Variants in SCAPER observed in about 807,000 individuals in gnomAD.
SCAPER encodes the protein S-phase cyclin A associated protein in the ER, also known as S phase cyclin A-associated protein in the endoplasmic reticulum.
In SCAPER, 98 loss-of-function variants were observed where a neutral mutation model predicts 182.2. The observed-to-expected ratio is 0.54, with a 90% CI of 0.46 to 0.64. The LOEUF (loss-of-function observed/expected upper bound fraction) is 0.64. SCAPER is among the 30% of genes least tolerant of loss of function. The probability of loss-of-function intolerance (pLI) is 0.00; values close to 1 mark genes in which losing one functional copy is unlikely to be tolerated. For missense variants in SCAPER, 1,432 were observed against 1,690.0 expected (o/e 0.85, Z 2.68); for synonymous variants, 605 against 564.6 (o/e 1.07, Z -1.01).
chr15:76,354,253 A>C lies in SCAPER; in HGVS notation c.3856-113T>G. 1.1e-6 allele frequency: 1 copy of C among 900,528 alleles called. No individual in the cohort carries two copies. Among genetic ancestry groups the C allele is most frequent in the South Asian group, 1.9e-5 (1 of 51,950 alleles). 55.8% of individuals were successfully genotyped at this position (900,528 alleles called of 1,614,324 possible). On this transcript the variant is annotated intron_variant, in intron 29 of 31. Transcript: ENST00000563290. The surrounding 1 kb of genome is among the most constrained non-coding windows in gnomAD (Gnocchi z 4.4). ...AAACATGCTGAAGGAGTGTAAAGAA[A>C]AAGACTCCTGACTCCGTACCAGAGC... is the stretch of plus-strand genomic sequence containing the variant.
intron 1 of SCAPER, among the ~76,000 whole-genome samples, chr15:76,891,765 A>G (rs985302785): frequency 2.0e-5 from 3 of 152,226 alleles, no homozygotes; most frequent in African/African-American, 7.2e-5. Flanking sequence ...ACTCAATGCC[A>G]TCCCCATCAA....
At chr15:76,772,633 T>C (rs1011344234) in intron 9 of SCAPER, among the ~76,000 whole-genome samples, 1 of 151,962 alleles carries the variant, frequency 6.6e-6, no homozygotes, top group Non-Finnish European at 1.5e-5. Flanking sequence ...TTCCCTATTG[T>C]CCTTTAGGAA....
intron 5 of SCAPER, among the ~76,000 whole-genome samples, chr15:76,836,922 A>G (rs2069006336): frequency 6.6e-6 from 1 of 152,154 alleles, no homozygotes; most frequent in Non-Finnish European, 1.5e-5. Flanking sequence ...GCCTCAAATT[A>G]TAAAAACCAT....
rs755808771 is a variant in SCAPER, at chr15:76,593,173, A to G, written c.2712-18889T>C. ...GCCATTACTGAGGCTTGCGTAGGCA[A>G]TTTTCCCCTCACAGGGTAAACAAAG... On this transcript the variant is annotated intron_variant, in intron 22 of 31. Transcript: ENST00000563290. Among the ~76,000 whole-genome samples the G allele has an allele frequency of 1.7e-5, 2 of 120,824 alleles. 1 individual carries two copies. The highest frequency in any genetic ancestry group is 4.0e-5 in the Non-Finnish European group (2 of 49,718). The allele number at this position is 120,824 out of a possible 152,430, so 79.3% of individuals were successfully genotyped here.
intron 25 of SCAPER, among the ~76,000 whole-genome samples, chr15:76,456,419 T>C (rs2048738721): frequency 6.6e-6 from 1 of 152,266 alleles, no homozygotes; most frequent in African/African-American, 2.4e-5. Context: ...ATACATAATA[T>C]TGAGTTCTAA....
Position 76,746,175 on chromosome 15 carries a change from G to T in SCAPER, c.1866+7633C>A, listed in dbSNP as rs544996922. ...TTCATAATAAAAATACTCAACAAACGATGAATAAAAATGAACTTCCTTGAC... is the reference window on the plus strand; with the variant it reads ...TTCATAATAAAAATACTCAACAAACTATGAATAAAAATGAACTTCCTTGAC... On this transcript the variant is annotated intron_variant, in intron 15 of 31. Coordinates refer to ENST00000563290, the MANE Select transcript of SCAPER (RefSeq NM_020843.4). 6.8e-4 allele frequency among the ~76,000 whole-genome samples: 103 copies of T among 152,256 alleles called. No homozygotes were observed. The South Asian group carries it at 0.01, about 15-fold the overall frequency.
At chr15:76,724,524 C>T (rs1392422311) in intron 17 of SCAPER, among the ~76,000 whole-genome samples, 2 of 152,132 alleles carry the variant, frequency 1.3e-5, no homozygotes, top group African/African-American at 4.8e-5. Flanking sequence ...AGAGTGTTTT[C>T]CAACTTGCTT....
At chr15:76,473,856 G>A (rs2050401673) in intron 24 of SCAPER, among the ~76,000 whole-genome samples, 1 of 152,068 alleles carries the variant, frequency 6.6e-6, no homozygotes, top group Admixed American at 6.5e-5. Flanking sequence ...AGGCTGGAGT[G>A]AAGTAGAACA....
chr15:76,828,325 C>A (rs1258281347), intron 5 of SCAPER, among the ~76,000 whole-genome samples: 1 of 151,650 alleles, frequency 6.6e-6, no homozygotes, highest in Admixed American at 6.6e-5. Flanking sequence ...ATTTGACTAA[C>A]CCAACAGTAG....
In SCAPER at chr15:76,535,664, TAC is replaced by T. The variant is rs200847411; in HGVS notation, c.2839-30692_2839-30691del. 1.7e-3 allele frequency among the ~76,000 whole-genome samples: 254 copies of T among 150,286 alleles called. 4 individuals carry two copies. In the East Asian group the frequency reaches 0.046, roughly 27 times the overall value. ...AGACAACATACAGGTATTGCTGGCC[TAC>T]AGGTATTGCTGGCCTACAGAAATGC... On this transcript the variant is annotated intron_variant, in intron 23 of 31. Transcript: ENST00000563290.
At chr15:76,758,590 A>G (rs1013566754) in intron 14 of SCAPER, among the ~76,000 whole-genome samples, 4 of 152,154 alleles carry the variant, frequency 2.6e-5, no homozygotes, top group Non-Finnish European at 5.9e-5. Context: ...GCTCCATATG[A>G]ATTTTAGGAC....
intron 17 of SCAPER, among the ~76,000 whole-genome samples, chr15:76,711,567 C>T (rs1171126133): frequency 6.6e-6 from 1 of 152,148 alleles, no homozygotes; most frequent in African/African-American, 2.4e-5. Context: ...CTCTCATGTG[C>T]TGCTGATGGC....
chr15:76,640,801 T>C (rs2054040356), intron 21 of SCAPER, among the ~76,000 whole-genome samples: 1 of 152,138 alleles, frequency 6.6e-6, no homozygotes, highest in South Asian at 2.1e-4. Flanking sequence ...GCATGCAGGA[T>C]TGTGTAAAGA....
intron 8 of SCAPER, among the ~76,000 whole-genome samples, chr15:76,784,492 A>G (rs1233829278): frequency 6.6e-6 from 1 of 152,204 alleles, no homozygotes; most frequent in Non-Finnish European, 1.5e-5. Context: ...TGCCATCCCC[A>G]TCAAGCTACC....
At chr15:76,632,957 T>C (rs755488411) in intron 21 of SCAPER, among the ~76,000 whole-genome samples, 1 of 151,870 alleles carries the variant, frequency 6.6e-6, no homozygotes, top group Non-Finnish European at 1.5e-5. Flanking sequence ...GTATTTTTAA[T>C]AGAGACAGGG....
chr15:76,578,155 C>T (rs1607016), intron 22 of SCAPER, among the ~76,000 whole-genome samples: 1 of 151,948 alleles, frequency 6.6e-6, no homozygotes, highest in African/African-American at 2.4e-5. Context: ...AGGACTTTGT[C>T]TTGTGGTTTG....
At chr15:76,471,047 T>A (rs1252271176) in intron 25 of SCAPER, 165 bp downstream of exon 25, 1 of 558,022 alleles carries the variant, frequency 1.8e-6, no homozygotes, top group Non-Finnish European at 2.7e-6. Flanking sequence ...AATAAATTTG[T>A]CTGCCAGTCT....
At chr15:76,829,887 G>T (rs184209695) in intron 5 of SCAPER, among the ~76,000 whole-genome samples, 56 of 152,276 alleles carry the variant, frequency 3.7e-4, no homozygotes, top group Non-Finnish European at 6.9e-4. Flanking sequence ...ATGGAGCTTA[G>T]TGTCTAGAAA....
intron 17 of SCAPER, among the ~76,000 whole-genome samples, chr15:76,712,289 T>C (rs999912930): frequency 1.4e-4 from 22 of 152,182 alleles, no homozygotes; most frequent in Non-Finnish European, 3.1e-4. Flanking sequence ...TCTGTTCCAT[T>C]GATCTATATC....
Sources: allele counts gnomAD v4.1 joint callset (sites outside exome capture counted in the v4.1 genomes callset), GRCh38; gene constraint gnomAD v4.1.1; non-coding constraint Gnocchi (gnomAD v3.1); transcripts MANE v1.5; gene names NCBI Gene and HGNC (gene_info 2026-07-23, HGNC 2026-07-21).